The following WDR89 variants were observed in gnomAD, a reference collection of about 807,000 sequenced individuals.
WDR89 encodes WD repeat-containing protein 89.
WDR89 carries 17 observed loss-of-function variants against 29.1 expected under a neutral mutation model. The observed-to-expected ratio is 0.58, with a 90% CI of 0.40 to 0.88. The LOEUF (loss-of-function observed/expected upper bound fraction) is 0.88. WDR89 is among the 40% of genes least tolerant of loss of function. The probability of loss-of-function intolerance (pLI) is 0.00; values close to 1 mark genes in which losing one functional copy is unlikely to be tolerated. For synonymous variants in WDR89, 138 were observed against 157.8 expected, an observed-to-expected ratio of 0.87 and a Z score of 0.94; for missense variants, 396 against 456.3, an observed-to-expected ratio of 0.87 and a Z score of 1.20.
chr14:63,614,419 C>T (rs1882181100), intron 2 of WDR89, among the ~76,000 whole-genome samples: 1 of 151,714 alleles, frequency 6.6e-6, no homozygotes, highest in African/African-American at 2.4e-5. Flanking sequence ...GCAATTCTCC[C>T]ACCTACCTCA....
At chr14:63,603,020 T>A (rs1370846627) in intron 2 of WDR89, among the ~76,000 whole-genome samples, 1 of 152,150 alleles carries the variant, frequency 6.6e-6, no homozygotes, top group Non-Finnish European at 1.5e-5. Flanking sequence ...CCTCCCAAAG[T>A]GCTGGGATTA....
intron 2 of WDR89, among the ~76,000 whole-genome samples, chr14:63,622,491 G>C (rs779877340): frequency 1.3e-4 from 20 of 152,224 alleles, no homozygotes; most frequent in Non-Finnish European, 2.2e-4. Context: ...TGAGACAGGA[G>C]AATCGCTTGA....
chr14:63,633,329 A>G (rs553270045), intron 1 of WDR89, among the ~76,000 whole-genome samples: 49 of 152,128 alleles, frequency 3.2e-4, no homozygotes, highest in African/African-American at 1.2e-3. Context: ...TGCTACCCTA[A>G]TTCATCAAGC....
rs1262476077 is a variant in WDR89 at position 63,599,636 on chromosome 14, T to C, written c.307A>G (p.Arg103Gly). ...TVKCWDARVA[R>G]EKPVQLFKGY... ...TTGAAGAGCTGAACAGGTTTTTCTCTGGCTACTCGAGCATCCCAGCATTTC... is the reference window on the plus strand; with the variant it reads ...TTGAAGAGCTGAACAGGTTTTTCTCCGGCTACTCGAGCATCCCAGCATTTC... Residue 103 changes from arginine to glycine, a missense_variant, in exon 3 of 3, where the codon AGA becomes GGA. Arg to Gly is a moderately radical substitution (Grantham distance 125). Transcript: ENST00000620954. The C allele has an allele frequency of 3.7e-6, 6 of 1,614,058 alleles. No individual in the cohort carries two copies. The East Asian group carries it at 8.9e-5, about 24-fold the overall frequency.
At chr14:63,622,451 C>G (rs1339412208) in intron 2 of WDR89, among the ~76,000 whole-genome samples, 1 of 152,176 alleles carries the variant, frequency 6.6e-6, no homozygotes, top group African/African-American at 2.4e-5. Flanking sequence ...CGTGGTGGCA[C>G]ATGCCTATAA....
At chr14:63,621,065 T>C (rs1374558379) in intron 2 of WDR89, among the ~76,000 whole-genome samples, 1 of 152,080 alleles carries the variant, frequency 6.6e-6, no homozygotes, top group Non-Finnish European at 1.5e-5. Flanking sequence ...CATAAATATA[T>C]ACAACTTTTA....
chr14:63,639,067 A>C (rs1313919294), intron 1 of WDR89, among the ~76,000 whole-genome samples: 1 of 152,216 alleles, frequency 6.6e-6, no homozygotes, highest in Non-Finnish European at 1.5e-5. Flanking sequence ...TCCTGTGCAG[A>C]AAAGAGCCAC....
At chr14:63,608,698 A>ACACAC (rs1566791808) in intron 2 of WDR89, among the ~76,000 whole-genome samples, 1 of 150,196 alleles carries the variant, frequency 6.7e-6, no homozygotes, top group African/African-American at 2.5e-5. Context: ...ACACACACAC[A>ACACAC]AATAGGTTTA....
At chr14:63,610,095 C>T (rs2139511467) in intron 2 of WDR89, among the ~76,000 whole-genome samples, 1 of 151,964 alleles carries the variant, frequency 6.6e-6, no homozygotes, top group Non-Finnish European at 1.5e-5. Flanking sequence ...TGGCTCACGC[C>T]TGTAATCCCA....
chr14:63,623,944 T>A (rs1029182063), intron 2 of WDR89, among the ~76,000 whole-genome samples: 3 of 151,918 alleles, frequency 2.0e-5, no homozygotes, highest in Admixed American at 6.6e-5. Flanking sequence ...AAAAGAAAGC[T>A]GCAATGTTTT....
chr14:63,605,197 T>C (rs1309412658), intron 2 of WDR89, among the ~76,000 whole-genome samples: 15 of 129,912 alleles, frequency 1.2e-4, no homozygotes, highest in Middle Eastern at 3.7e-3. Flanking sequence ...CACACACACA[T>C]ATATACATAC....
At chr14:63,634,776 A>C (rs1398710055) in intron 1 of WDR89, among the ~76,000 whole-genome samples, 1 of 151,732 alleles carries the variant, frequency 6.6e-6, no homozygotes, top group Non-Finnish European at 1.5e-5. Context: ...AGGCTGAGGC[A>C]GGAGAATCGC....
intron 2 of WDR89, among the ~76,000 whole-genome samples, chr14:63,623,050 T>A (rs1882799821): frequency 6.9e-6 from 1 of 144,544 alleles, no homozygotes; most frequent in South Asian, 2.2e-4. Context: ...AATATAAAAA[T>A]TAGCCAGGCA....
At position 63,623,911 on chromosome 14, in the gene WDR89, G is replaced by T. The variant is rs906140184; in HGVS notation, c.-32+1017C>A. On this transcript the variant is annotated intron_variant, in intron 2 of 2. Transcript: ENST00000620954. ...GTTAAAAGGAAATGGATAGAAAAAAGATATACCATGCAAATATTAATAAAA... is the reference window on the plus strand; with the variant it reads ...GTTAAAAGGAAATGGATAGAAAAAATATATACCATGCAAATATTAATAAAA... Among the ~76,000 whole-genome samples, 4 of 151,774 alleles carry T rather than the reference G, an allele frequency of 2.6e-5. No homozygotes were observed. In the East Asian group the frequency reaches 7.7e-4, roughly 29 times the overall value.
At chr14:63,637,242 A>G (rs1883793468) in intron 1 of WDR89, among the ~76,000 whole-genome samples, 1 of 152,154 alleles carries the variant, frequency 6.6e-6, no homozygotes, top group Admixed American at 6.6e-5. Context: ...GAATGGCCAT[A>G]AGTGAAGAAT....
At chr14:63,620,704 G>A (rs1355245584) in intron 2 of WDR89, among the ~76,000 whole-genome samples, 1 of 151,884 alleles carries the variant, frequency 6.6e-6, no homozygotes, top group Non-Finnish European at 1.5e-5. Flanking sequence ...GGCCAATATG[G>A]TGAAGCCCCA....
chr14:63,618,701 A>T (rs956388508), intron 2 of WDR89, among the ~76,000 whole-genome samples: 1 of 152,152 alleles, frequency 6.6e-6, no homozygotes, highest in Non-Finnish European at 1.5e-5. Flanking sequence ...ACAAACAAAC[A>T]AACAAAAAAA....
intron 2 of WDR89, among the ~76,000 whole-genome samples, chr14:63,610,936 GTA>G: frequency 6.6e-6 from 1 of 151,792 alleles, no homozygotes; most frequent in Admixed American, 6.6e-5. Context: ...TCCTGACCTT[GTA>G]ATTCGCCCGC....
chr14:63,601,653 G>C (rs1895070406), intron 2 of WDR89: 2 of 1,613,230 alleles, frequency 1.2e-6, no homozygotes, highest in Non-Finnish European at 1.7e-6. Flanking sequence ...AGTCGCTGTT[G>C]GATCGGGTTC....
Sources: allele counts gnomAD v4.1 joint callset (sites outside exome capture counted in the v4.1 genomes callset), GRCh38; gene constraint gnomAD v4.1.1; transcripts MANE v1.5; gene names NCBI Gene and HGNC (gene_info 2026-07-23, HGNC 2026-07-21).